MYOT: variants seen among roughly 807,000 people sequenced by gnomAD.
MYOT encodes 57 kDa cytoskeletal protein.
A neutral mutation model predicts 58.0 loss-of-function variants in MYOT; 36 were observed. The observed-to-expected ratio is 0.62, with a 90% confidence interval of 0.48 to 0.82. The LOEUF is 0.82. MYOT is among the 40% of genes least tolerant of loss of function. MYOT has a pLI of 0.00. For missense variants in MYOT, 505 were observed against 592.1 expected (o/e 0.85, Z 1.53); for synonymous variants, 218 against 204.6 (o/e 1.07, Z -0.56).
intron 3 of MYOT, 72 bp from the exon 4 acceptor site, chr5:137,877,448 A>C: frequency 1.1e-6 from 1 of 885,226 alleles, no homozygotes; most frequent in South Asian, 1.3e-5. Flanking sequence ...GACCTATAGT[A>C]GTGGTTTTAA....
intron 8 of MYOT, chr5:137,886,584 G>A: frequency 2.1e-6 from 1 of 470,452 alleles, no homozygotes; most frequent in Non-Finnish European, 3.9e-6. Context: ...TAACGGAACA[G>A]GTCAGGACCC....
Position 137,883,506 on chromosome 5 carries a change from C to CTG in MYOT, c.939_940insTG (p.Arg314Ter). 1 of 1,614,088 alleles carries CTG rather than the reference C, an allele frequency of 6.2e-7. No homozygotes were observed. Among genetic ancestry groups the CTG allele is most frequent in the Non-Finnish European group, 8.5e-7 (1 of 1,180,016 alleles). ...TTCATTCACTCATCTTTGAAGTAGT[C>CTG]AGAGCTTCAGATGCAGGGGCTTATG... On this transcript the variant is annotated frameshift_variant, in exon 7 of 10. Coordinates refer to ENST00000239926, the MANE Select transcript of MYOT (RefSeq NM_006790.3). LOFTEE classifies it high-confidence loss of function.
intron 2 of MYOT, among the ~76,000 whole-genome samples, chr5:137,873,524 C>A (rs565404374): frequency 1.5e-4 from 23 of 148,420 alleles, no homozygotes; most frequent in Non-Finnish European, 3.3e-4. Context: ...CCAGCCTGGA[C>A]AACAAGAATG....
At position 137,877,546 on chromosome 5, in the gene MYOT, T is replaced by G. The variant is rs1425104629; in HGVS notation, c.558T>G (p.Ala186=). ...NQRLTYEEKM[A]RRLLGPQNAA... The stretch of plus-strand genomic sequence containing the variant: ...GTCTAACATATGAAGAGAAGATGGC[T>G]CGCAGATTGCTAGGACCACAGAATG... The change falls in exon 4 of 10, where the codon GCT becomes GCG. Residue 186 remains alanine, a synonymous_variant. Coordinates refer to ENST00000239926, the MANE Select transcript of MYOT (RefSeq NM_006790.3). 1.2e-6 allele frequency: 2 copies of G among 1,613,764 alleles called. No homozygotes were observed. Among genetic ancestry groups the G allele is most frequent in the South Asian group, 2.2e-5 (2 of 91,076 alleles).
chr5:137,886,866 T>C lies in MYOT; in HGVS notation c.1193T>C (p.Leu398Ser). Residue 398 changes from leucine (L) to serine (S), a missense_variant and splice_region_variant, in exon 9 of 10, where the codon TTA becomes TCA. Coordinates refer to ENST00000239926, the MANE Select transcript of MYOT (RefSeq NM_006790.3). ...MVQFNTDRIS[L>S]YQDNTGRVTL... ...TTTCTTAAAAATTTTTATTTCAGCT[T>C]ATATCAAGATAACACTGGAAGAGTT... is the stretch of plus-strand genomic sequence containing the variant. 6.4e-7 allele frequency: 1 copy of C among 1,556,940 alleles called. No homozygotes were observed. The highest frequency in any genetic ancestry group is 8.9e-7 in the Non-Finnish European group (1 of 1,128,206).
intron 6 of MYOT, among the ~76,000 whole-genome samples, chr5:137,882,515 C>T (rs1452935875): frequency 2.0e-5 from 3 of 151,226 alleles, no homozygotes; most frequent in Admixed American, 1.3e-4. Context: ...ATGGCACAAT[C>T]GCAGCTCACT....
intron 3 of MYOT, among the ~76,000 whole-genome samples, chr5:137,877,038 A>G (rs1402809150): frequency 6.6e-6 from 1 of 151,622 alleles, no homozygotes; most frequent in Admixed American, 6.6e-5. Flanking sequence ...GAATAGAAGG[A>G]AAATGCTTTG....
chr5:137,873,865 T>C (rs924283853), intron 2 of MYOT, among the ~76,000 whole-genome samples: 6 of 152,204 alleles, frequency 3.9e-5, no homozygotes, highest in African/African-American at 1.4e-4. Context: ...TCTGTGTTCG[T>C]GGATATAAAT....
At chr5:137,885,318 T>C (rs1203835601) in intron 7 of MYOT, among the ~76,000 whole-genome samples, 2 of 152,206 alleles carry the variant, frequency 1.3e-5, no homozygotes, top group African/African-American at 2.4e-5. Context: ...CCGGGATTTT[T>C]TTTTTATAAC....
At chr5:137,871,058 T>A in intron 2 of MYOT, 51 bp downstream of exon 2, 1 of 1,508,562 alleles carries the variant, frequency 6.6e-7, no homozygotes. Flanking sequence ...ATCTGAGGAG[T>A]TTGCGAGGGG....
Position 137,882,113 on chromosome 5 carries a change from A to C in MYOT, c.816+8A>C. 6.2e-7 allele frequency: 1 copy of C among 1,614,070 alleles called. No homozygotes were observed. The highest frequency in any genetic ancestry group is 8.5e-7 in the Non-Finnish European group (1 of 1,179,920). ...TGCAGAATGGACTTCAAAGTAAGAG[A>C]AGGGTTCAAAAGTACTGGGGGAAAA... On this transcript the variant is annotated splice_region_variant and intron_variant, in intron 6 of 9. Transcript: ENST00000239926.
chr5:137,887,005 A>G lies in MYOT; in HGVS notation c.1324+8A>G, dbSNP rs1554103923. On this transcript the variant is annotated splice_region_variant and intron_variant, in intron 9 of 9. Transcript: ENST00000239926. ...CAAGATTAGACGTTACGGGTATGTCATACTATTAACCAAAGTATTATAAGG... is the reference window on the plus strand; with the variant it reads ...CAAGATTAGACGTTACGGGTATGTCGTACTATTAACCAAAGTATTATAAGG... The G allele has an allele frequency of 1.6e-5, 25 of 1,612,734 alleles. No individual in the cohort carries two copies. The highest frequency in any genetic ancestry group is 2.0e-5 in the Non-Finnish European group (24 of 1,178,728).
intron 6 of MYOT, 137 bp downstream of exon 6, chr5:137,882,242 ATGTGG>A: frequency 9.9e-7 from 1 of 1,005,450 alleles, no homozygotes; most frequent in Non-Finnish European, 1.5e-6. Flanking sequence ...AGTCAAACTG[ATGTGG>A]GTTTGAATTC....
At position 137,886,816 on chromosome 5, in the gene MYOT, C is replaced by T. The variant is rs1176837372; in HGVS notation, c.1191-48C>T. On this transcript the variant is annotated intron_variant, in intron 8 of 9. Transcript: ENST00000239926. ...GACTGTTGGTCAGAGACATCCACTT[C>T]ACAGAAATAATTCCTGTACTTTCAT... The T allele has an allele frequency of 4.4e-6, 6 of 1,361,482 alleles. No individual in the cohort carries two copies. In the African/African-American group the frequency reaches 8.6e-5, roughly 20 times the overall value. 84.3% of individuals were successfully genotyped at this position (1,361,482 alleles called of 1,614,324 possible).
chr5:137,886,009 T>A lies in MYOT; in HGVS notation c.1025-39T>A, dbSNP rs776862747. ...TTGGTTTGATTTAATACCTTTTTTA[T>A]AATATTTCAAATACTTGAATTTTTG... On this transcript the variant is annotated intron_variant, in intron 7 of 9. Coordinates refer to ENST00000239926, the MANE Select transcript of MYOT (RefSeq NM_006790.3). 9.6e-6 allele frequency: 13 copies of A among 1,356,854 alleles called. No homozygotes were observed. In the South Asian group the frequency reaches 1.7e-4, roughly 17 times the overall value. The allele number at this position is 1,356,854 out of a possible 1,614,324, so 84.1% of individuals were successfully genotyped here. A position where few individuals can be genotyped will look rare whatever the true frequency, so the allele number is the denominator to read the frequency against.
At chr5:137,875,723 A>C in intron 2 of MYOT, 106 bp from the exon 3 acceptor site, 3 of 966,378 alleles carry the variant, frequency 3.1e-6, no homozygotes, top group Non-Finnish European at 4.8e-6. Context: ...ATTTGTTTTT[A>C]ATAATACTAG....
intron 7 of MYOT, among the ~76,000 whole-genome samples, chr5:137,885,008 A>G (rs1358416209): frequency 6.6e-6 from 1 of 152,218 alleles, no homozygotes; most frequent in Non-Finnish European, 1.5e-5. Context: ...AAAAACACAT[A>G]CAATTTAAGT....
intron 8 of MYOT, 127 bp from the exon 9 acceptor site, chr5:137,886,737 G>A: frequency 2.7e-6 from 2 of 749,814 alleles, no homozygotes. Context: ...ATAGCTATTT[G>A]GCAATAAATA....
At chr5:137,882,210 T>C (rs891486955) in intron 6 of MYOT, 105 bp downstream of exon 6, 4 of 1,273,686 alleles carry the variant, frequency 3.1e-6, no homozygotes, top group East Asian at 2.3e-5. Flanking sequence ...GTACGTACAA[T>C]GGACAAGAAC....
Sources: allele counts gnomAD v4.1 joint callset (sites outside exome capture counted in the v4.1 genomes callset), GRCh38; gene constraint gnomAD v4.1.1; transcripts MANE v1.5; gene names NCBI Gene and HGNC (gene_info 2026-07-23, HGNC 2026-07-21).